Variants in NRG3 observed in about 807,000 individuals in gnomAD.
NRG3 encodes pro-neuregulin-3, membrane-bound isoform.
A neutral mutation model predicts 66.9 loss-of-function variants in NRG3; 31 were observed. That is an observed-to-expected ratio of 0.46 (90% CI 0.35 to 0.63). The LOEUF (loss-of-function observed/expected upper bound fraction) is 0.63. Among genes scored for constraint, NRG3 ranks in the 20% least tolerant of loss-of-function variants. The pLI is 0.00. For missense variants in NRG3, 910 were observed against 878.9 expected, an observed-to-expected ratio of 1.04 and a Z score of -0.45; for synonymous variants, 393 against 359.4, an observed-to-expected ratio of 1.09 and a Z score of -1.06.
chr10:82,314,654 T>A (rs6584640), intron 1 of NRG3, among the ~76,000 whole-genome samples: 72,210 of 151,650 alleles, frequency 0.48, 20,464 homozygotes, highest in African/African-American at 0.8. Context: ...TAAAAATATT[T>A]AAAAAATTAG....
chr10:82,396,732 G>A (rs7923832), intron 2 of NRG3, among the ~76,000 whole-genome samples: 62,457 of 152,026 alleles, frequency 0.41, 15,906 homozygotes, highest in African/African-American at 0.72. Context: ...GTGTTGTTGG[G>A]TGACTGGTGT....
At chr10:82,253,928 G>C (rs1419564863) in intron 1 of NRG3, among the ~76,000 whole-genome samples, 3 of 151,976 alleles carry the variant, frequency 2.0e-5, no homozygotes, top group African/African-American at 7.3e-5. Flanking sequence ...AATGTATTTT[G>C]CATTTGTTAC....
rs947329349 is a variant in NRG3 at position 82,476,364 on chromosome 10, G to A, written c.953+117496G>A. Among the ~76,000 whole-genome samples, 10 of 152,046 alleles carry A rather than the reference G, an allele frequency of 6.6e-5. No individual in the cohort carries two copies. In the East Asian group the frequency reaches 7.7e-4, roughly 12 times the overall value. ...CAATTTCACTTGTAGGTATATACTC[G>A]AAATAATTGAAAGCAGGGACTTCAA... On this transcript the variant is annotated intron_variant, in intron 2 of 8. Coordinates refer to ENST00000372141, the MANE Select transcript of NRG3 (RefSeq NM_001010848.4).
chr10:82,728,112 G>C (rs1043223126), intron 2 of NRG3, among the ~76,000 whole-genome samples: 1 of 152,098 alleles, frequency 6.6e-6, no homozygotes, highest in African/African-American at 2.4e-5. Context: ...ATAGGCAGAA[G>C]GTACTTGCCT....
intron 2 of NRG3, among the ~76,000 whole-genome samples, chr10:82,554,418 A>G (rs1382101534): frequency 2.0e-5 from 3 of 152,166 alleles, no homozygotes; most frequent in Non-Finnish European, 2.9e-5. Context: ...TTATGTGTCA[A>G]TTAAAAATAA....
At chr10:82,045,870 A>T (rs1410697570) in intron 1 of NRG3, among the ~76,000 whole-genome samples, 2 of 147,942 alleles carry the variant, frequency 1.4e-5, no homozygotes, top group African/African-American at 5.1e-5. Context: ...CAAAGATCAG[A>T]TGGTTGTAGA....
intron 2 of NRG3, among the ~76,000 whole-genome samples, chr10:82,654,419 G>A (rs575380733): frequency 6.6e-6 from 1 of 152,094 alleles, no homozygotes; most frequent in Non-Finnish European, 1.5e-5. Flanking sequence ...AAATAATTCA[G>A]AAATAGCAGT....
At chr10:82,895,637 C>A (rs1031737134) in intron 4 of NRG3, among the ~76,000 whole-genome samples, 3 of 152,054 alleles carry the variant, frequency 2.0e-5, no homozygotes, top group Non-Finnish European at 4.4e-5. Context: ...ACTGCAGGCA[C>A]CTGCCTCCAT....
intron 1 of NRG3, among the ~76,000 whole-genome samples, chr10:81,948,635 A>T (rs1480316770): frequency 6.6e-6 from 1 of 152,152 alleles, no homozygotes; most frequent in Non-Finnish European, 1.5e-5. Flanking sequence ...TGGAGGTACA[A>T]AGGAAAGGCC....
At chr10:82,338,246 G>A (rs768010642) in intron 1 of NRG3, among the ~76,000 whole-genome samples, 12 of 152,316 alleles carry the variant, frequency 7.9e-5, no homozygotes, top group Middle Eastern at 3.4e-3. Flanking sequence ...ATTGATGGGG[G>A]CATCCCACTC....
At chr10:82,453,013 C>T (rs1377728270) in intron 2 of NRG3, among the ~76,000 whole-genome samples, 1 of 152,084 alleles carries the variant, frequency 6.6e-6, no homozygotes, top group Non-Finnish European at 1.5e-5. Flanking sequence ...GTTCTATACT[C>T]TAAAAGAGGA....
intron 2 of NRG3, among the ~76,000 whole-genome samples, chr10:82,571,133 T>C (rs1200480170): frequency 2.0e-5 from 3 of 151,538 alleles, no homozygotes; most frequent in Admixed American, 2.0e-4. Flanking sequence ...CTAGGTTTTG[T>C]ATCCTGTTAA....
chr10:82,240,611 G>A (rs2076965762), intron 1 of NRG3, among the ~76,000 whole-genome samples: 2 of 152,122 alleles, frequency 1.3e-5, no homozygotes, highest in Admixed American at 6.5e-5. Flanking sequence ...ATAATCTAGT[G>A]GAGGAAGATG....
chr10:82,192,988 AGAGAGAGAG>A (rs1410214010), intron 1 of NRG3, among the ~76,000 whole-genome samples: 9 of 151,380 alleles, frequency 5.9e-5, no homozygotes, highest in Admixed American at 2.0e-4. Flanking sequence ...AGAGAGAGAG[AGAGAGAGAG>A]TTTGTGAGGT....
intron 1 of NRG3, among the ~76,000 whole-genome samples, chr10:82,319,208 T>C (rs1383224629): frequency 6.6e-6 from 1 of 152,244 alleles, no homozygotes; most frequent in Non-Finnish European, 1.5e-5. Flanking sequence ...CCTGCAGAGC[T>C]GGCTGCTGTG....
intron 1 of NRG3, among the ~76,000 whole-genome samples, chr10:82,123,020 A>G (rs148484105): frequency 6.6e-5 from 10 of 151,386 alleles, no homozygotes; most frequent in Admixed American, 6.6e-4. Flanking sequence ...AAAAAAACAC[A>G]TAAGAACACC....
chr10:82,952,453 GTCTC>G (rs137919624), intron 5 of NRG3, among the ~76,000 whole-genome samples: 1 of 111,536 alleles, frequency 9.0e-6, no homozygotes, highest in African/African-American at 3.6e-5. Context: ...AGATATAAAC[GTCTC>G]TCTCTCTCTC....
At chr10:82,172,422 T>C (rs185233066) in intron 1 of NRG3, among the ~76,000 whole-genome samples, 43 of 152,246 alleles carry the variant, frequency 2.8e-4, no homozygotes, top group Non-Finnish European at 4.9e-4. Context: ...ATGTGGACAA[T>C]GAACCCCAAA....
intron 1 of NRG3, among the ~76,000 whole-genome samples, chr10:81,921,612 T>TGTAATCTTGTA (rs1303634787): frequency 1.3e-5 from 2 of 152,138 alleles, no homozygotes; most frequent in East Asian, 3.9e-4. Flanking sequence ...TAATGTTTCT[T>TGTAATCTTGTA]AGGTTATTTT....
Sources: allele counts gnomAD v4.1 joint callset (sites outside exome capture counted in the v4.1 genomes callset), GRCh38; gene constraint gnomAD v4.1.1; transcripts MANE v1.5; gene names NCBI Gene and HGNC (gene_info 2026-07-23, HGNC 2026-07-21).